ZNF827: variants seen among roughly 807,000 people sequenced by gnomAD.
The protein encoded by ZNF827 is zinc finger protein 827.
A neutral mutation model predicts 102.4 loss-of-function variants in ZNF827; 13 were observed. The ratio of observed to expected loss-of-function variants is 0.13; its 90% CI spans 0.08 to 0.20. ZNF827 has a LOEUF of 0.20. ZNF827 is among the 10% of genes least tolerant of loss of function. The pLI, the probability that ZNF827 is intolerant of heterozygous loss-of-function variation, is 1.00. For synonymous variants in ZNF827, 523 were observed against 536.2 expected, an observed-to-expected ratio of 0.98 and a Z score of 0.34; for missense variants, 1,103 against 1,344.4, an observed-to-expected ratio of 0.82 and a Z score of 2.81.
intron 8 of ZNF827, among the ~76,000 whole-genome samples, chr4:145,807,475 A>G (rs1165910819): frequency 6.6e-6 from 1 of 151,112 alleles, no homozygotes; most frequent in South Asian, 2.1e-4. Context: ...TTCATGTCCC[A>G]GTGCTTTTTT....
Position 145,902,680 on chromosome 4 carries a change from T to G in ZNF827, c.579A>C (p.Gln193His), listed in dbSNP as rs370006190. 6.2e-7 allele frequency: 1 copy of G among 1,613,912 alleles called. No individual in the cohort carries two copies. Among genetic ancestry groups the G allele is most frequent in the Non-Finnish European group, 8.5e-7 (1 of 1,180,052 alleles). ...TGGTTGAGTTTGGCAACCACTTACC[T>G]TGATTCCATATAAAACGGTTACTTG... is the stretch of plus-strand genomic sequence containing the variant. ...YTPSNRFIWN[Q>H]GKWLPNSTTT... The change falls in exon 2 of 15, where the codon CAA becomes CAC. Residue 193 changes from glutamine (Q) to histidine (H), a missense_variant. Transcript: ENST00000508784. This position sits in a 1 kb window ranked among gnomAD's most constrained non-coding sequence, Gnocchi z 4.3.
In ZNF827 at chr4:145,765,184, G is replaced by A. The variant is rs755282916; in HGVS notation, c.3053-19C>T. ...TCGAACCCTGCAAGGACCGAAGCTG[G>A]GTATAGAGGTGCACAGGGCAGCGGG... On this transcript the variant is annotated intron_variant, in intron 12 of 14. Coordinates refer to ENST00000508784, the MANE Select transcript of ZNF827 (RefSeq NM_001306215.2). This position sits in a 1 kb window ranked among gnomAD's most constrained non-coding sequence, Gnocchi z 4.7. 1 of 1,584,120 alleles carries A rather than the reference G, an allele frequency of 6.3e-7. No homozygotes were observed. The highest frequency in any genetic ancestry group is 8.6e-7 in the Non-Finnish European group (1 of 1,163,546).
intron 4 of ZNF827, among the ~76,000 whole-genome samples, chr4:145,879,157 A>G (rs1346414842): frequency 6.6e-6 from 1 of 152,208 alleles, no homozygotes; most frequent in Non-Finnish European, 1.5e-5. Context: ...TAAGTAGTCA[A>G]GAGCCAACCT....
At chr4:145,833,192 C>G (rs1382099111) in intron 7 of ZNF827, 1 of 169,224 alleles carries the variant, frequency 5.9e-6, no homozygotes, top group Admixed American at 6.4e-5. Flanking sequence ...TCTCCAACCT[C>G]CCTCACTATC....
intron 1 of ZNF827, among the ~76,000 whole-genome samples, chr4:145,916,401 G>A (rs1490818465): frequency 6.6e-6 from 1 of 152,182 alleles, no homozygotes; most frequent in Non-Finnish European, 1.5e-5. Flanking sequence ...GGGAATGTGG[G>A]GAGCAAAGAC....
At position 145,760,911 on chromosome 4, in the gene ZNF827, C is replaced by T. The variant is rs1488234400; in HGVS notation, c.*705G>A. On this transcript the variant is annotated 3_prime_UTR_variant, in exon 15 of 15. Transcript: ENST00000508784. ...GATCCAAGTGGTTCTTGGGGTATAA[C>T]ATTGTCAAGGGAATGAGATGGGCAA... 1.6e-6 allele frequency: 2 copies of T among 1,233,924 alleles called. No individual in the cohort carries two copies. The highest frequency in any genetic ancestry group is 2.1e-6 in the Non-Finnish European group (2 of 963,378). 76.4% of individuals were successfully genotyped at this position (1,233,924 alleles called of 1,614,324 possible).
chr4:145,807,344 T>C (rs1197029783), intron 8 of ZNF827, among the ~76,000 whole-genome samples: 1 of 152,234 alleles, frequency 6.6e-6, no homozygotes, highest in African/African-American at 2.4e-5. Context: ...TTTATAGAAG[T>C]GTTTCATGCT....
intron 5 of ZNF827, among the ~76,000 whole-genome samples, chr4:145,869,248 A>G (rs1272910111): frequency 6.6e-6 from 1 of 152,228 alleles, no homozygotes; most frequent in Non-Finnish European, 1.5e-5. Flanking sequence ...GTTCTGATAT[A>G]ACGACTAAGT....
intron 9 of ZNF827, among the ~76,000 whole-genome samples, chr4:145,778,711 T>G (rs1737499067): frequency 6.6e-6 from 1 of 152,242 alleles, no homozygotes. Flanking sequence ...TGAACTTTTC[T>G]TTATCATTTT....
intron 8 of ZNF827, among the ~76,000 whole-genome samples, chr4:145,800,182 G>A (rs1185591200): frequency 6.6e-6 from 1 of 152,046 alleles, no homozygotes; most frequent in African/African-American, 2.4e-5. Context: ...TTATTTTCCA[G>A]GCCACTGTTA....
intron 1 of ZNF827, among the ~76,000 whole-genome samples, chr4:145,908,392 T>G (rs938811770): frequency 1.3e-5 from 2 of 152,188 alleles, no homozygotes; most frequent in Non-Finnish European, 2.9e-5. Context: ...TAACAATCAG[T>G]GTCTCCAACA....
chr4:145,853,026 G>A (rs1012797916), intron 5 of ZNF827, among the ~76,000 whole-genome samples: 7 of 152,328 alleles, frequency 4.6e-5, no homozygotes, highest in South Asian at 2.1e-4. Flanking sequence ...TGAAAACCAC[G>A]GCTCTAAAGT....
At chr4:145,897,519 T>C (rs1259130866) in intron 2 of ZNF827, among the ~76,000 whole-genome samples, 1 of 152,190 alleles carries the variant, frequency 6.6e-6, no homozygotes, top group Non-Finnish European at 1.5e-5. Flanking sequence ...TACACATCTG[T>C]GTAGGATGAC....
intron 8 of ZNF827, among the ~76,000 whole-genome samples, chr4:145,815,227 C>A (rs751680779): frequency 2.0e-5 from 3 of 152,194 alleles, no homozygotes; most frequent in Non-Finnish European, 4.4e-5. Flanking sequence ...TGTGGGATGT[C>A]TGAATGGAAC....
intron 9 of ZNF827, among the ~76,000 whole-genome samples, chr4:145,776,420 C>A (rs1301684676): frequency 6.6e-6 from 1 of 151,248 alleles, no homozygotes; most frequent in Non-Finnish European, 1.5e-5. Context: ...ACAATCACAT[C>A]ACTGCACTCC....
chr4:145,921,720 C>T (rs1026403711), intron 1 of ZNF827, among the ~76,000 whole-genome samples: 11 of 152,134 alleles, frequency 7.2e-5, no homozygotes, highest in African/African-American at 2.7e-4. Context: ...ATGAGGACAG[C>T]AACCCAGAAA....
rs1042424121 is a variant in ZNF827 at position 145,825,583 on chromosome 4, C to A, written c.2280-2058G>T. 2.0e-5 allele frequency among the ~76,000 whole-genome samples: 3 copies of A among 152,256 alleles called. No individual in the cohort carries two copies. In the South Asian group the frequency reaches 6.2e-4, roughly 32 times the overall value. On this transcript the variant is annotated intron_variant, in intron 7 of 14. Transcript: ENST00000508784. ...GTTTAAAGGAGAGGGCTGGTCAACA[C>A]CACAGGTACATTTGAGAATAACCTT...
chr4:145,764,705 T>C (rs1165775777), intron 13 of ZNF827: 1 of 438,348 alleles, frequency 2.3e-6, no homozygotes, highest in African/African-American at 2.0e-5. Context: ...TCAAGCAGTG[T>C]AGTCTATTCT....
intron 8 of ZNF827, among the ~76,000 whole-genome samples, chr4:145,818,158 C>T (rs577121607): frequency 1.2e-4 from 19 of 152,192 alleles, no homozygotes; most frequent in African/African-American, 4.6e-4. Flanking sequence ...CTTAAAATGC[C>T]AACAGCTGCG....
Sources: allele counts gnomAD v4.1 joint callset (sites outside exome capture counted in the v4.1 genomes callset), GRCh38; gene constraint gnomAD v4.1.1; non-coding constraint Gnocchi (gnomAD v3.1); transcripts MANE v1.5; gene names NCBI Gene and HGNC (gene_info 2026-07-23, HGNC 2026-07-21).